The following CHD9 variants were observed in gnomAD, a reference collection of about 807,000 sequenced individuals.
The protein encoded by CHD9 is chromodomain helicase DNA binding protein 9.
CHD9 carries 77 observed loss-of-function variants against 316.1 expected under a neutral mutation model. The ratio of observed to expected loss-of-function variants is 0.24; its 90% CI spans 0.20 to 0.29. The LOEUF (loss-of-function observed/expected upper bound fraction) is 0.29, where lower values mean the gene tolerates loss of function less well. CHD9 is among the 10% of genes least tolerant of loss of function. The pLI is 1.00. For synonymous variants in CHD9, 1,129 were observed against 1,158.3 expected, an observed-to-expected ratio of 0.97 and a Z score of 0.51; for missense variants, 2,763 against 3,438.1, an observed-to-expected ratio of 0.80 and a Z score of 4.91.
At chr16:53,184,761 G>A (rs1046077095) in intron 2 of CHD9, among the ~76,000 whole-genome samples, 18 of 152,130 alleles carry the variant, frequency 1.2e-4, no homozygotes, top group South Asian at 4.1e-4. Flanking sequence ...CCCACCTGTC[G>A]TGAGAGGGAC....
At chr16:53,179,651 C>A (rs1002414538) in intron 2 of CHD9, among the ~76,000 whole-genome samples, 1 of 152,164 alleles carries the variant, frequency 6.6e-6, no homozygotes, top group Non-Finnish European at 1.5e-5. Context: ...AACCCCAGCA[C>A]TTTGGGAGGC....
chr16:53,284,828 C>T (rs1194362549), intron 24 of CHD9, among the ~76,000 whole-genome samples: 3 of 152,128 alleles, frequency 2.0e-5, no homozygotes, highest in Non-Finnish European at 4.4e-5. Flanking sequence ...TGCAGCAACA[C>T]GATCTTGGTT....
chr16:53,150,967 C>T (rs776652544), intron 1 of CHD9, among the ~76,000 whole-genome samples: 10 of 152,040 alleles, frequency 6.6e-5, no homozygotes, highest in Admixed American at 1.3e-4. Context: ...TTATCCTCCG[C>T]GGAGTTTGGT....
At chr16:53,110,829 A>C (rs1382767986) in intron 1 of CHD9, among the ~76,000 whole-genome samples, 1 of 152,204 alleles carries the variant, frequency 6.6e-6, no homozygotes, top group East Asian at 1.9e-4. Flanking sequence ...CTGGCAACTG[A>C]TTCAAGATAG....
chr16:53,108,015 C>T (rs1028536219), intron 1 of CHD9, among the ~76,000 whole-genome samples: 1 of 152,156 alleles, frequency 6.6e-6, no homozygotes, highest in Non-Finnish European at 1.5e-5. Context: ...AAGGTAGCAC[C>T]TGAACCAAGT....
chr16:53,280,242 T>C (rs1277832360), intron 24 of CHD9, among the ~76,000 whole-genome samples: 1 of 152,086 alleles, frequency 6.6e-6, no homozygotes, highest in Non-Finnish European at 1.5e-5. Context: ...AGCAGCACAG[T>C]TTGCAATTGC....
chr16:53,258,261 A>G (rs984332032), intron 19 of CHD9, among the ~76,000 whole-genome samples: 1 of 152,174 alleles, frequency 6.6e-6, no homozygotes, highest in African/African-American at 2.4e-5. Context: ...ATACAGTGCT[A>G]TCTAACTTTT....
chr16:53,193,804 A>C (rs558792858), intron 2 of CHD9, among the ~76,000 whole-genome samples: 1 of 152,316 alleles, frequency 6.6e-6, no homozygotes, highest in South Asian at 2.1e-4. Context: ...GTTAGATTAG[A>C]TACTATGATT....
intron 3 of CHD9, among the ~76,000 whole-genome samples, chr16:53,220,797 G>A (rs1224054026): frequency 1.3e-5 from 2 of 152,000 alleles, no homozygotes; most frequent in Non-Finnish European, 2.9e-5. Context: ...CCTCCTTCTG[G>A]GGTACTCTGT....
At chr16:53,139,449 A>T (rs2039947569) in intron 1 of CHD9, among the ~76,000 whole-genome samples, 1 of 152,206 alleles carries the variant, frequency 6.6e-6, no homozygotes, top group Non-Finnish European at 1.5e-5. Context: ...AAGGACTGGC[A>T]ATAAAATTAC....
At chr16:53,170,170 G>A (rs2042597252) in intron 2 of CHD9, among the ~76,000 whole-genome samples, 1 of 151,482 alleles carries the variant, frequency 6.6e-6, no homozygotes, top group African/African-American at 2.4e-5. Context: ...CTCAGTATAG[G>A]TATCTTTTCA....
At chr16:53,113,603 G>A (rs1045465980) in intron 1 of CHD9, among the ~76,000 whole-genome samples, 1 of 151,672 alleles carries the variant, frequency 6.6e-6, no homozygotes, top group Non-Finnish European at 1.5e-5. Flanking sequence ...GAGCCACTGC[G>A]CCCAGTCGAG....
intron 37 of CHD9, among the ~76,000 whole-genome samples, chr16:53,320,950 G>C (rs1157079699): frequency 6.6e-6 from 1 of 152,120 alleles, no homozygotes; most frequent in Non-Finnish European, 1.5e-5. Context: ...CTGAGGCTCA[G>C]TTTCTTCGTT....
chr16:53,298,116 T>C (rs1310714271), intron 30 of CHD9: 1 of 152,090 alleles, frequency 6.6e-6, no homozygotes, highest in African/African-American at 2.4e-5. Flanking sequence ...AAATAATCAT[T>C]GAAAATGTAG....
At chr16:53,263,126 C>G in intron 20 of CHD9, 29 bp downstream of exon 20, 3 of 1,539,530 alleles carry the variant, frequency 1.9e-6, no homozygotes, top group Non-Finnish European at 2.7e-6. Context: ...CTAAAATAAA[C>G]TTGCTTTTGG....
At chr16:53,118,552 C>T (rs2038494269) in intron 1 of CHD9, among the ~76,000 whole-genome samples, 1 of 152,004 alleles carries the variant, frequency 6.6e-6, no homozygotes, top group South Asian at 2.1e-4. Flanking sequence ...CTCTAAGATC[C>T]CACTGCTCTT....
intron 2 of CHD9, among the ~76,000 whole-genome samples, chr16:53,186,479 G>C (rs982388749): frequency 6.6e-6 from 1 of 152,208 alleles, no homozygotes; most frequent in Non-Finnish European, 1.5e-5. Flanking sequence ...GACTTGCCTT[G>C]TGTCAGATGA....
intron 1 of CHD9, among the ~76,000 whole-genome samples, chr16:53,059,295 C>T (rs2032564422): frequency 2.6e-5 from 4 of 152,056 alleles, no homozygotes. Flanking sequence ...TTTCTCATGT[C>T]CTTTAAAAAA....
intron 38 of CHD9, 67 bp downstream of exon 38, chr16:53,321,697 G>T: frequency 1.2e-6 from 1 of 813,590 alleles, no homozygotes; most frequent in Non-Finnish European, 1.8e-6. Context: ...TTATATCTTA[G>T]ATTAATTATA....
Sources: allele counts gnomAD v4.1 joint callset (sites outside exome capture counted in the v4.1 genomes callset), GRCh38; gene constraint gnomAD v4.1.1; transcripts MANE v1.5; gene names NCBI Gene and HGNC (gene_info 2026-07-23, HGNC 2026-07-21).